FREM1: variants seen among roughly 807,000 people sequenced by gnomAD.
FREM1 encodes FRAS1-related extracellular matrix protein 1.
A neutral mutation model predicts 210.1 loss-of-function variants in FREM1; 220 were observed. The observed-to-expected ratio is 1.05, with a 90% CI of 0.94 to 1.17. The LOEUF is 1.17. Among genes scored for constraint, FREM1 ranks in the 50% most tolerant of loss-of-function variants. The pLI, the probability that FREM1 is intolerant of heterozygous loss-of-function variation, is 0.00. For missense variants in FREM1, 3,454 were observed against 2,675.5 expected, an observed-to-expected ratio of 1.29 and a Z score of -6.42; for synonymous variants, 1,189 against 980.2, an observed-to-expected ratio of 1.21 and a Z score of -3.98.
chr9:14,749,150 C>T (rs1405893164), intron 30 of FREM1, among the ~76,000 whole-genome samples: 1 of 152,156 alleles, frequency 6.6e-6, no homozygotes, highest in Non-Finnish European at 1.5e-5. Flanking sequence ...CTATTGGAAA[C>T]CTCACCAATT....
In FREM1 at chr9:14,801,805, C is replaced by T. The variant is rs771144061; in HGVS notation, c.3541G>A (p.Asp1181Asn). Residue 1181 changes from aspartate to asparagine, a missense_variant, in exon 20 of 37, where the codon GAT becomes AAT. Physicochemically the swap from Asp to Asn is conservative, Grantham distance 23. Transcript: ENST00000380880. Reference protein sequence around the residue: ...ISAVDLDIPQDALLFSITQKP... With the variant: ...ISAVDLDIPQNALLFSITQKP... ...TGAGTGATGCTGAACAGCAGGGCAT[C>T]CTGGGGAATGTCCAGGTCCACAGCG... 6 of 1,613,948 alleles carry T rather than the reference C, an allele frequency of 3.7e-6. No homozygotes were observed. The highest frequency in any genetic ancestry group is 1.7e-5 in the Admixed American group (1 of 60,028).
chr9:14,819,537 T>G, intron 13 of FREM1, 95 bp from the exon 14 acceptor site: 2 of 663,494 alleles, frequency 3.0e-6, no homozygotes, highest in African/African-American at 1.8e-5. Flanking sequence ...CAGTATTATC[T>G]TCACATGCAA....
chr9:14,823,618 A>G (rs908386790), intron 12 of FREM1, among the ~76,000 whole-genome samples: 1 of 138,902 alleles, frequency 7.2e-6, no homozygotes, highest in Non-Finnish European at 1.7e-5. Context: ...GAGAAAATAA[A>G]GCTCATAGTC....
intron 11 of FREM1, among the ~76,000 whole-genome samples, chr9:14,824,594 G>A (rs1220963702): frequency 1.3e-5 from 2 of 152,158 alleles, no homozygotes; most frequent in Non-Finnish European, 2.9e-5. Context: ...ACAAGCTGCA[G>A]ATCACTTACC....
At chr9:14,823,401 C>A in intron 12 of FREM1, 74 bp from the exon 13 acceptor site, 4 of 1,329,688 alleles carry the variant, frequency 3.0e-6, no homozygotes, top group Non-Finnish European at 4.2e-6. Flanking sequence ...TCCAAGAGAA[C>A]CATCATGTTA....
rs1376913508 is a variant in FREM1, at chr9:14,848,727, A to T, written c.1199T>A (p.Met400Lys). Residue 400 changes from methionine to lysine, a missense_variant, in exon 7 of 37, where the codon ATG becomes AAG. By Grantham distance (95) the Met-to-Lys change is moderately conservative. Coordinates refer to ENST00000380880, the MANE Select transcript of FREM1 (RefSeq NM_001379081.2). ...TGTTCTGATGGAGATGTGGACTGTC[A>T]TAGGTGCACTCCTTTCAAAGAAGAA... ...YDFFFERSAPMTVHISIRTAD... is the reference protein window; with the variant it reads ...YDFFFERSAPKTVHISIRTAD... 2 of 1,613,210 alleles carry T rather than the reference A, an allele frequency of 1.2e-6. No homozygotes were observed. Among genetic ancestry groups the T allele is most frequent in the African/African-American group, 2.7e-5 (2 of 74,922 alleles).
intron 3 of FREM1, among the ~76,000 whole-genome samples, chr9:14,860,545 A>ATGTG (rs1829628623): frequency 8.8e-6 from 1 of 113,026 alleles, no homozygotes; most frequent in African/African-American, 4.8e-5. Flanking sequence ...ATATATATAC[A>ATGTG]CATATATATA....
intron 13 of FREM1, 36 bp downstream of exon 13, chr9:14,823,124 C>A (rs767603946): frequency 6.6e-7 from 1 of 1,510,738 alleles, no homozygotes; most frequent in Admixed American, 1.8e-5. Flanking sequence ...CTTTCTTTTC[C>A]TCCTTTTCAT....
At chr9:14,742,579 C>T (rs897270720) in intron 35 of FREM1, among the ~76,000 whole-genome samples, 2 of 152,022 alleles carry the variant, frequency 1.3e-5, no homozygotes, top group Admixed American at 6.6e-5. Flanking sequence ...AATTTGCTGT[C>T]CTTGTGGAAA....
At chr9:14,802,189 G>A (rs1048460207) in intron 19 of FREM1, among the ~76,000 whole-genome samples, 4 of 152,084 alleles carry the variant, frequency 2.6e-5, no homozygotes, top group Admixed American at 2.6e-4. Context: ...CAACCAAGAC[G>A]GTGTTTGCTT....
At chr9:14,751,406 T>C (rs910201194) in intron 29 of FREM1, among the ~76,000 whole-genome samples, 1 of 152,180 alleles carries the variant, frequency 6.6e-6, no homozygotes, top group Non-Finnish European at 1.5e-5. Context: ...CCCAGCACTT[T>C]GGCAGGCCAA....
At chr9:14,755,486 C>T (rs1351778713) in intron 29 of FREM1, among the ~76,000 whole-genome samples, 1 of 152,146 alleles carries the variant, frequency 6.6e-6, no homozygotes, top group African/African-American at 2.4e-5. Context: ...GTATTTGCCA[C>T]TCCCAAGCCC....
At chr9:14,860,894 C>CACGTATATATACGTAT (rs1830068699) in intron 3 of FREM1, among the ~76,000 whole-genome samples, 4 of 62,318 alleles carry the variant, frequency 6.4e-5, no homozygotes, top group African/African-American at 2.4e-4. Flanking sequence ...CACATATATA[C>CACGTATATATACGTAT]ATATATACAC....
At chr9:14,801,898 G>C (rs1260732730) in intron 19 of FREM1, 24 bp from the exon 20 acceptor site, 2 of 1,525,242 alleles carry the variant, frequency 1.3e-6, no homozygotes, top group Non-Finnish European at 1.8e-6. Context: ...CATGAGAAAA[G>C]TCAACAATGC....
At chr9:14,762,277 A>G (rs1845630830) in intron 27 of FREM1, among the ~76,000 whole-genome samples, 1 of 152,216 alleles carries the variant, frequency 6.6e-6, no homozygotes, top group Non-Finnish European at 1.5e-5. Flanking sequence ...AAAGAATGAA[A>G]CAAATACATT....
At chr9:14,901,512 T>C (rs911203718) in intron 1 of FREM1, among the ~76,000 whole-genome samples, 10 of 152,156 alleles carry the variant, frequency 6.6e-5, no homozygotes, top group Admixed American at 2.6e-4. Context: ...TCTGGCTTTT[T>C]CTACTCAATA....
chr9:14,773,209 G>A (rs1587864745), intron 25 of FREM1, among the ~76,000 whole-genome samples: 2 of 152,182 alleles, frequency 1.3e-5, no homozygotes, highest in Admixed American at 1.3e-4. Flanking sequence ...CCCTTTAAAG[G>A]AGAAGTACAG....
chr9:14,851,742 A>T, intron 5 of FREM1, 135 bp from the exon 6 acceptor site: 2 of 750,596 alleles, frequency 2.7e-6, no homozygotes, highest in Non-Finnish European at 4.6e-6. Flanking sequence ...TGCATATTGG[A>T]ATCACCTGGG....
intron 1 of FREM1, among the ~76,000 whole-genome samples, chr9:14,908,351 C>T (rs1235143086): frequency 2.6e-5 from 4 of 152,158 alleles, no homozygotes; most frequent in Admixed American, 6.5e-5. Flanking sequence ...CCCTACAGCC[C>T]AGCAGCCCCA....
Sources: gnomAD v4.1 joint callset for allele counts (sites outside exome capture counted in the v4.1 genomes callset) on GRCh38, gnomAD v4.1.1 for gene constraint, MANE v1.5 for transcripts, NCBI Gene and HGNC (gene_info 2026-07-23, HGNC 2026-07-21) for gene names.